The following ABAT variants were observed in gnomAD, a reference collection of about 807,000 sequenced individuals.
The protein encoded by ABAT is 4-aminobutyrate aminotransferase, mitochondrial.
Under a neutral mutation model 64.6 loss-of-function variants are expected in ABAT, and 45 were observed. The observed-to-expected ratio is 0.70, with a 90% CI of 0.55 to 0.89. The LOEUF (loss-of-function observed/expected upper bound fraction) is 0.89. Ranked by LOEUF, ABAT falls within the 40% of genes least tolerant of loss-of-function variation. The pLI is 0.00. For synonymous variants in ABAT, 297 were observed against 250.5 expected, an observed-to-expected ratio of 1.19 and a Z score of -1.75; for missense variants, 633 against 658.4, an observed-to-expected ratio of 0.96 and a Z score of 0.42.
rs2060478560 is a variant in ABAT, at chr16:8,783,177, A to G, written c.*1747A>G. On this transcript the variant is annotated 3_prime_UTR_variant, in exon 16 of 16. Transcript: ENST00000268251. The stretch of plus-strand genomic sequence containing the variant: ...TCTCTGCAAGGTTTTCCTCATTTTT[A>G]TATTCATTTATTCATCATTCATTCA... The G allele has an allele frequency of 6.6e-6, 1 of 151,984 alleles. No homozygotes were observed. The highest frequency in any genetic ancestry group is 1.5e-5 in the Non-Finnish European group (1 of 68,028). 9.4% of individuals were successfully genotyped at this position (151,984 alleles called of 1,614,324 possible). A position where few individuals can be genotyped will look rare whatever the true frequency, so the allele number is the denominator to read the frequency against.
intron 11 of ABAT, among the ~76,000 whole-genome samples, chr16:8,771,877 A>G (rs555961170): frequency 1.3e-5 from 2 of 151,814 alleles, no homozygotes; most frequent in African/African-American, 4.8e-5. Flanking sequence ...GGGTCCTCCC[A>G]CCTCAGCCTC....
At chr16:8,770,854 A>G (rs1457340173) in intron 11 of ABAT, among the ~76,000 whole-genome samples, 1 of 152,248 alleles carries the variant, frequency 6.6e-6, no homozygotes, top group Non-Finnish European at 1.5e-5. Flanking sequence ...TAGTATTTTT[A>G]AACAATGTGA....
chr16:8,726,617 A>G (rs1390580922), intron 1 of ABAT, among the ~76,000 whole-genome samples: 1 of 152,192 alleles, frequency 6.6e-6, no homozygotes, highest in South Asian at 2.1e-4. Flanking sequence ...GTTGCTTCCA[A>G]ATCTTAGCTA....
chr16:8,730,822 A>G (rs1271308489), intron 1 of ABAT, among the ~76,000 whole-genome samples: 2 of 152,160 alleles, frequency 1.3e-5, no homozygotes, highest in Non-Finnish European at 2.9e-5. Flanking sequence ...CCTGAGCCAG[A>G]TATCTCTCAA....
At chr16:8,773,785 C>T (rs1196668254) in intron 12 of ABAT, among the ~76,000 whole-genome samples, 2 of 152,204 alleles carry the variant, frequency 1.3e-5, no homozygotes, top group African/African-American at 2.4e-5. Flanking sequence ...TTAGTTCCCA[C>T]CTGAGTGAGA....
At chr16:8,771,373 A>G (rs1186605604) in intron 11 of ABAT, among the ~76,000 whole-genome samples, 1 of 151,764 alleles carries the variant, frequency 6.6e-6, no homozygotes, top group Admixed American at 6.6e-5. Flanking sequence ...GGTCAAAATC[A>G]TATCACCCAA....
At chr16:8,687,226 G>T (rs1015858109) in intron 1 of ABAT, among the ~76,000 whole-genome samples, 1 of 152,114 alleles carries the variant, frequency 6.6e-6, no homozygotes, top group East Asian at 1.9e-4. Flanking sequence ...CTAGTCTTGG[G>T]TCCCGCTCTT....
At chr16:8,738,633 T>TTTTTGGTGTGTGTG (rs2059063381) in intron 2 of ABAT, among the ~76,000 whole-genome samples, 1 of 149,210 alleles carries the variant, frequency 6.7e-6, no homozygotes, top group African/African-American at 2.5e-5. Flanking sequence ...TTTTTGTTTT[T>TTTTTGGTGTGTGTG]TTTTTGGTGT....
intron 5 of ABAT, among the ~76,000 whole-genome samples, chr16:8,753,229 GA>G (rs1444281556): frequency 6.6e-6 from 1 of 152,110 alleles, no homozygotes; most frequent in Non-Finnish European, 1.5e-5. Flanking sequence ...AAGTAGCTGG[GA>G]CTACAGGTGC....
chr16:8,746,297 A>C (rs2059326796), intron 3 of ABAT, among the ~76,000 whole-genome samples, 199 bp downstream of exon 3: 1 of 152,072 alleles, frequency 6.6e-6, no homozygotes. Flanking sequence ...CTGACGCTGT[A>C]ATCCCAACAC....
intron 1 of ABAT, among the ~76,000 whole-genome samples, chr16:8,732,157 T>C (rs189318567): frequency 6.6e-6 from 1 of 151,810 alleles, no homozygotes; most frequent in South Asian, 2.1e-4. Context: ...CCAGACCCTC[T>C]ATCTGTTTCT....
At chr16:8,677,913 G>C (rs370587860) in intron 1 of ABAT, among the ~76,000 whole-genome samples, 1 of 152,044 alleles carries the variant, frequency 6.6e-6, no homozygotes, top group African/African-American at 2.4e-5. Context: ...AAAAAAATCA[G>C]CTGGTCATGG....
chr16:8,699,702 C>T (rs1308240010), intron 1 of ABAT, among the ~76,000 whole-genome samples: 3 of 151,834 alleles, frequency 2.0e-5, no homozygotes, highest in Non-Finnish European at 4.4e-5. Flanking sequence ...GCTGGGACTA[C>T]AGGTGTGCAC....
At chr16:8,723,323 T>C (rs74732034) in intron 1 of ABAT, among the ~76,000 whole-genome samples, 4 of 152,178 alleles carry the variant, frequency 2.6e-5, no homozygotes, top group Non-Finnish European at 5.9e-5. Flanking sequence ...GACCAGAGCA[T>C]GTTGGAGACT....
At chr16:8,680,684 T>A (rs2057312442) in intron 1 of ABAT, among the ~76,000 whole-genome samples, 1 of 152,220 alleles carries the variant, frequency 6.6e-6, no homozygotes, top group African/African-American at 2.4e-5. Flanking sequence ...TGCCTCGGCT[T>A]CCCAAAGTGC....
chr16:8,737,939 G>GGAAAGAAA (rs2059003298), intron 2 of ABAT, among the ~76,000 whole-genome samples: 1 of 25,134 alleles, frequency 4.0e-5, no homozygotes, highest in Non-Finnish European at 7.1e-5. Flanking sequence ...AAAAAAGAAA[G>GGAAAGAAA]GAAAGGAAGA....
At position 8,699,670 on chromosome 16, in the gene ABAT, T is replaced by A. The variant is rs1481716283; in HGVS notation, c.-42+24959T>A. 2.6e-5 allele frequency among the ~76,000 whole-genome samples: 4 copies of A among 152,028 alleles called. No individual in the cohort carries two copies. In the South Asian group the frequency reaches 6.2e-4, roughly 24 times the overall value. ...TTGGCCTCCTGGGCTTAAACGATCCTCCAACCCCATCCTCCTGAGTAGCTG... is the reference window on the plus strand; with the variant it reads ...TTGGCCTCCTGGGCTTAAACGATCCACCAACCCCATCCTCCTGAGTAGCTG... On this transcript the variant is annotated intron_variant, in intron 1 of 15. Transcript: ENST00000268251.
intron 3 of ABAT, among the ~76,000 whole-genome samples, chr16:8,746,949 T>A (rs1037959586): frequency 1.1e-4 from 16 of 152,174 alleles, no homozygotes; most frequent in Admixed American, 1.0e-3. Flanking sequence ...TGATCTAGGT[T>A]AGGCGTGGCT....
At chr16:8,753,789 G>C (rs1241773344) in intron 5 of ABAT, among the ~76,000 whole-genome samples, 3 of 152,094 alleles carry the variant, frequency 2.0e-5, no homozygotes, top group African/African-American at 7.2e-5. Context: ...TAACCACCTT[G>C]GTCCCCCTCC....
Sources: allele counts gnomAD v4.1 joint callset (sites outside exome capture counted in the v4.1 genomes callset), GRCh38; gene constraint gnomAD v4.1.1; transcripts MANE v1.5; gene names NCBI Gene and HGNC (gene_info 2026-07-23, HGNC 2026-07-21).